Variants in NCOA7 observed in about 807,000 individuals in gnomAD.
NCOA7 encodes nuclear receptor coactivator 7.
A neutral mutation model predicts 104.3 loss-of-function variants in NCOA7; 45 were observed. The ratio of observed to expected loss-of-function variants is 0.43; its 90% confidence interval spans 0.34 to 0.55. NCOA7 has a LOEUF of 0.55. NCOA7 is among the 20% of genes least tolerant of loss of function. The probability of loss-of-function intolerance (pLI) is 0.02; values close to 1 mark genes in which losing one functional copy is unlikely to be tolerated. For synonymous variants in NCOA7, 398 were observed against 402.3 expected (o/e 0.99, Z 0.13); for missense variants, 1,041 against 1,119.7 (o/e 0.93, Z 1.00).
At chr6:125,799,368 C>G in intron 1 of NCOA7, among the ~76,000 whole-genome samples, 1 of 152,018 alleles carries the variant, frequency 6.6e-6, no homozygotes. Flanking sequence ...TGTATGCTGA[C>G]TTCAGTTCTT....
At position 125,889,712 on chromosome 6, in the gene NCOA7, C is replaced by T. The variant is rs1562145470; in HGVS notation, c.1658C>T (p.Pro553Leu). Reference sequence around the variant, plus strand: ...TTAAGTGATGGAAAAAGTATTGAACCAGGGGGAATAGACATTACCCTTAGT... The same window carrying T: ...TTAAGTGATGGAAAAAGTATTGAACTAGGGGGAATAGACATTACCCTTAGT... ...TELSDGKSIEPGGIDITLSSS... is the reference protein window; with the variant it reads ...TELSDGKSIELGGIDITLSSS... Residue 553 changes from proline (P) to leucine (L), a missense_variant, in exon 9 of 16, where the codon CCA becomes CTA. Pro to Leu is a moderately conservative substitution (Grantham distance 98). This residue lies in a region of NCOA7 where 914 missense variants were observed against 942.7 expected (regional missense o/e 0.97). Transcript: ENST00000392477. The T allele has an allele frequency of 1.2e-6, 2 of 1,613,938 alleles. No individual in the cohort carries two copies. Among genetic ancestry groups the T allele is most frequent in the Middle Eastern group, 1.7e-4 (1 of 6,058 alleles).
chr6:125,827,034 C>A (rs1778717060), intron 2 of NCOA7, among the ~76,000 whole-genome samples: 1 of 151,808 alleles, frequency 6.6e-6, no homozygotes, highest in Non-Finnish European at 1.5e-5. Context: ...CCTGTCTCTA[C>A]TAAAAATACA....
At chr6:125,896,972 TTATG>T (rs1257982496) in intron 10 of NCOA7, among the ~76,000 whole-genome samples, 3 of 152,254 alleles carry the variant, frequency 2.0e-5, no homozygotes, top group African/African-American at 7.2e-5. Flanking sequence ...GATAAACTCA[TTATG>T]TATAAGTTAA....
Position 125,915,349 on chromosome 6 carries a change from A to G in NCOA7, c.2113A>G (p.Thr705Ala). Residue 705 changes from threonine (T) to alanine (A), a missense_variant, in exon 11 of 16, where the codon ACA becomes GCA. Physicochemically the swap from Thr to Ala is moderately conservative, Grantham distance 58. Transcript: ENST00000392477. Reference protein sequence around the residue: ...VPRERVDHLYTFFVQWSPDVY... With the variant: ...VPRERVDHLYAFFVQWSPDVY... ...GTTTTTCAGGGTGGATCATTTGTAC[A>G]CATTCTTTGTTCAGTGGTCTCCCGA... is the stretch of plus-strand genomic sequence containing the variant. 1 of 1,613,822 alleles carries G rather than the reference A, an allele frequency of 6.2e-7. No homozygotes were observed. Among genetic ancestry groups the G allele is most frequent in the Non-Finnish European group, 8.5e-7 (1 of 1,179,746 alleles).
At chr6:125,871,998 G>GA (rs530879162) in intron 3 of NCOA7, among the ~76,000 whole-genome samples, 312 of 89,726 alleles carry the variant, frequency 3.5e-3, no homozygotes, top group South Asian at 4.4e-3. Flanking sequence ...CCCTGTCTCA[G>GA]AAAAAAAAAA....
At chr6:125,824,548 CT>C (rs571382472) in intron 2 of NCOA7, among the ~76,000 whole-genome samples, 200 of 152,206 alleles carry the variant, frequency 1.3e-3, no homozygotes, top group Admixed American at 3.3e-3. Context: ...AGCTTGCTCC[CT>C]AAATGGTGAA....
intron 3 of NCOA7, among the ~76,000 whole-genome samples, chr6:125,868,794 T>C (rs2128633312): frequency 6.6e-6 from 1 of 152,362 alleles, no homozygotes; most frequent in Middle Eastern, 3.4e-3. Flanking sequence ...TCCCCTCATT[T>C]GGATGTCATA....
At chr6:125,857,062 C>T (rs1476773762) in intron 3 of NCOA7, among the ~76,000 whole-genome samples, 31 of 152,152 alleles carry the variant, frequency 2.0e-4, no homozygotes, top group Admixed American at 2.0e-3. Flanking sequence ...TAATGTATTA[C>T]ATGTCTTAAT....
At chr6:125,870,672 G>A (rs946242226) in intron 3 of NCOA7, among the ~76,000 whole-genome samples, 1 of 152,162 alleles carries the variant, frequency 6.6e-6, no homozygotes, top group Admixed American at 6.5e-5. Context: ...CATACTGCTA[G>A]GTAACATCTT....
chr6:125,876,271 A>G (rs886606149), intron 4 of NCOA7, among the ~76,000 whole-genome samples: 9 of 152,244 alleles, frequency 5.9e-5, no homozygotes, highest in African/African-American at 2.2e-4. Flanking sequence ...TTCATGATCA[A>G]TGCCCTGTGA....
chr6:125,848,241 G>A (rs1465897676), intron 2 of NCOA7, among the ~76,000 whole-genome samples: 7 of 152,138 alleles, frequency 4.6e-5, no homozygotes, highest in East Asian at 3.8e-4. Context: ...AGTCAGTGTG[G>A]CAATTCCTCA....
chr6:125,878,754 A>T (rs1783588401), intron 5 of NCOA7, among the ~76,000 whole-genome samples: 1 of 152,202 alleles, frequency 6.6e-6, no homozygotes, highest in Non-Finnish European at 1.5e-5. Flanking sequence ...AAATGACAGC[A>T]TTGCTGTATG....
Position 125,889,942 on chromosome 6 carries a change from C to A in NCOA7, c.1888C>A (p.Gln630Lys). The A allele has an allele frequency of 6.4e-7, 1 of 1,563,428 alleles. No homozygotes were observed. The highest frequency in any genetic ancestry group is 1.2e-5 in the South Asian group (1 of 82,486). ...ACAAATGGATAATAAATCTGAAGTTCAGTTGTGGCTGTTAAAGAGAATTCA... is the reference window on the plus strand; with the variant it reads ...ACAAATGGATAATAAATCTGAAGTTAAGTTGTGGCTGTTAAAGAGAATTCA... ...GAQMDNKSEV[Q>K]LWLLKRIQVP... The change falls in exon 9 of 16, where the codon CAG becomes AAG. Residue 630 changes from glutamine to lysine, a missense_variant. Gln to Lys is a moderately conservative substitution (Grantham distance 53). Transcript: ENST00000392477.
chr6:125,818,541 G>A (rs1294275434), intron 2 of NCOA7, among the ~76,000 whole-genome samples: 1 of 152,090 alleles, frequency 6.6e-6, no homozygotes, highest in African/African-American at 2.4e-5. Context: ...GAGAGATGGA[G>A]AGAGGAGAAT....
At chr6:125,913,567 T>C (rs999961050) in intron 10 of NCOA7, 2 of 737,016 alleles carry the variant, frequency 2.7e-6, no homozygotes, top group African/African-American at 3.8e-5. Context: ...AATATCTATA[T>C]TTACTTTTGT....
intron 11 of NCOA7, among the ~76,000 whole-genome samples, chr6:125,917,509 C>T (rs184898001): frequency 4.4e-4 from 67 of 152,320 alleles, no homozygotes; most frequent in African/African-American, 1.5e-3. Context: ...CAGAACCCCC[C>T]AGGTCACCCC....
rs759429808 is a variant in NCOA7 at position 125,881,110 on chromosome 6, C to T, written c.480C>T (p.Ala160=). Residue 160 remains alanine (A), a synonymous_variant, in exon 6 of 16, where the codon GCC becomes GCT. Coordinates refer to ENST00000392477, the MANE Select transcript of NCOA7 (RefSeq NM_181782.5). ...CTCAGGTCCTTTTTGTGCCAGATGC[C>T]AACTCTCCTTCCAGTACCTTAAGGC... The part of the protein sequence containing the change: ...VPGQVLFVPD[A]NSPSSTLRLS... 3 of 1,613,908 alleles carry T rather than the reference C, an allele frequency of 1.9e-6. No individual in the cohort carries two copies. Among genetic ancestry groups the T allele is most frequent in the Non-Finnish European group, 1.7e-6 (2 of 1,179,890 alleles).
At chr6:125,853,066 G>A (rs1781257055) in intron 2 of NCOA7, among the ~76,000 whole-genome samples, 1 of 152,156 alleles carries the variant, frequency 6.6e-6, no homozygotes, top group South Asian at 2.1e-4. Flanking sequence ...TGAGCATGGG[G>A]TGTATTTTTA....
rs116305748 is a variant in NCOA7 at position 125,829,912 on chromosome 6, C to G, written c.50+14508C>G. ...CTTCTTCCACTTAACCTCCTTAATA[C>G]AGGCATCATGCCTAATTTCAGAATT... is the stretch of plus-strand genomic sequence containing the variant. On this transcript the variant is annotated intron_variant, in intron 2 of 15. Transcript: ENST00000392477. 5.2e-3 allele frequency among the ~76,000 whole-genome samples: 798 copies of G among 152,324 alleles called. 5 individuals carry two copies. The highest frequency in any genetic ancestry group is 0.018 in the African/African-American group (764 of 41,570).
Sources: gnomAD v4.1 joint callset for allele counts (sites outside exome capture counted in the v4.1 genomes callset) on GRCh38, gnomAD v4.1.1 for gene constraint, gnomAD v4.1.1 regional missense constraint, MANE v1.5 for transcripts, NCBI Gene and HGNC (gene_info 2026-07-23, HGNC 2026-07-21) for gene names.